Variants in RBMS3 observed in about 807,000 individuals in gnomAD.
The protein encoded by RBMS3 is RNA-binding motif, single-stranded-interacting protein 3.
In RBMS3, 27 loss-of-function variants were observed where a neutral mutation model predicts 66.8. That is an observed-to-expected ratio of 0.40 (90% confidence interval 0.30 to 0.56). The LOEUF is 0.56. RBMS3 is among the 20% of genes least tolerant of loss of function. The pLI, the probability that RBMS3 is intolerant of heterozygous loss-of-function variation, is 0.40. For synonymous variants in RBMS3, 188 were observed against 183.0 expected (o/e 1.03, Z -0.22); for missense variants, 513 against 549.5 (o/e 0.93, Z 0.66).
intron 1 of RBMS3, among the ~76,000 whole-genome samples, chr3:29,365,092 G>T (rs1000490533): frequency 4.6e-5 from 7 of 151,052 alleles, no homozygotes; most frequent in African/African-American, 1.5e-4. Flanking sequence ...GTGACTACAG[G>T]TTCCACTAAT....
At chr3:29,630,684 C>T (rs1203520888) in intron 4 of RBMS3, among the ~76,000 whole-genome samples, 2 of 151,930 alleles carry the variant, frequency 1.3e-5, no homozygotes, top group Admixed American at 1.3e-4. Context: ...CCATCCCAGG[C>T]CTTTGAATCC....
intron 1 of RBMS3, among the ~76,000 whole-genome samples, chr3:29,362,144 T>G (rs564716296): frequency 1.3e-5 from 2 of 152,298 alleles, no homozygotes; most frequent in South Asian, 4.1e-4. Flanking sequence ...GAATTTTCAG[T>G]TTTTCTGTTC....
intron 6 of RBMS3, among the ~76,000 whole-genome samples, chr3:29,812,028 A>G (rs916384308): frequency 3.3e-5 from 5 of 152,166 alleles, no homozygotes; most frequent in Non-Finnish European, 7.3e-5. Context: ...TTGTAAGTCC[A>G]TATATTATGA....
intron 4 of RBMS3, among the ~76,000 whole-genome samples, chr3:29,664,941 T>C (rs1343861333): frequency 6.6e-6 from 1 of 152,078 alleles, no homozygotes; most frequent in Non-Finnish European, 1.5e-5. Flanking sequence ...AGAAATTTCT[T>C]ATTTAAGTTA....
chr3:29,884,333 C>T, intron 8 of RBMS3, 125 bp downstream of exon 8: 1 of 815,610 alleles, frequency 1.2e-6, no homozygotes, highest in Non-Finnish European at 1.9e-6. Context: ...AAGTTTAAAC[C>T]AAGCATTTTT....
chr3:29,921,070 T>C (rs1392549704), intron 10 of RBMS3, among the ~76,000 whole-genome samples: 1 of 152,022 alleles, frequency 6.6e-6, no homozygotes, highest in Non-Finnish European at 1.5e-5. Flanking sequence ...TGGTTTGCTG[T>C]TGTTGTTTTG....
At chr3:29,662,560 A>T (rs2050595885) in intron 4 of RBMS3, among the ~76,000 whole-genome samples, 1 of 152,226 alleles carries the variant, frequency 6.6e-6, no homozygotes, top group African/African-American at 2.4e-5. Context: ...CCTGTTAACA[A>T]AACCATGCTG....
At chr3:29,970,111 T>G (rs545233600) in intron 12 of RBMS3, among the ~76,000 whole-genome samples, 1 of 152,264 alleles carries the variant, frequency 6.6e-6, no homozygotes, top group South Asian at 2.1e-4. Context: ...TGGTTTTCAG[T>G]AAAAATTGTA....
At chr3:29,512,431 CTTTAA>C (rs920863847) in intron 3 of RBMS3, among the ~76,000 whole-genome samples, 7 of 151,996 alleles carry the variant, frequency 4.6e-5, no homozygotes, top group African/African-American at 1.4e-4. Flanking sequence ...ATTAATCCTT[CTTTAA>C]TTTAATAATT....
chr3:29,452,275 G>A (rs182385899), intron 2 of RBMS3, among the ~76,000 whole-genome samples: 6 of 152,228 alleles, frequency 3.9e-5, no homozygotes, highest in East Asian at 3.9e-4. Context: ...GTGTGTGGAC[G>A]AGTTTTAAAC....
At chr3:29,588,059 AC>A (rs1406459149) in intron 4 of RBMS3, among the ~76,000 whole-genome samples, 1 of 152,012 alleles carries the variant, frequency 6.6e-6, no homozygotes, top group Non-Finnish European at 1.5e-5. Context: ...ATTTGTAGAA[AC>A]CTCATGAAGG....
At chr3:29,289,064 A>G (rs997551927) in intron 1 of RBMS3, among the ~76,000 whole-genome samples, 1 of 151,952 alleles carries the variant, frequency 6.6e-6, no homozygotes, top group African/African-American at 2.4e-5. Flanking sequence ...AGTTCCTATT[A>G]TGCTTGCTTC....
intron 4 of RBMS3, among the ~76,000 whole-genome samples, chr3:29,650,559 C>G (rs1489704079): frequency 6.6e-6 from 1 of 152,134 alleles, no homozygotes; most frequent in Non-Finnish European, 1.5e-5. Flanking sequence ...CTCCAAAGTG[C>G]TAGGATTATA....
intron 1 of RBMS3, among the ~76,000 whole-genome samples, chr3:29,289,068 T>A (rs1036464036): frequency 6.6e-6 from 1 of 151,948 alleles, no homozygotes; most frequent in Non-Finnish European, 1.5e-5. Context: ...CCTATTATGC[T>A]TGCTTCTCTG....
intron 12 of RBMS3, among the ~76,000 whole-genome samples, chr3:29,973,986 C>G (rs1483214054): frequency 3.3e-5 from 5 of 151,916 alleles, no homozygotes; most frequent in Admixed American, 2.6e-4. Context: ...TTCACCTACC[C>G]TGGCTAACTC....
At chr3:29,323,707 C>CAA (rs1213206732) in intron 1 of RBMS3, among the ~76,000 whole-genome samples, 1 of 150,202 alleles carries the variant, frequency 6.7e-6, no homozygotes, top group Non-Finnish European at 1.5e-5. Flanking sequence ...CACACACACA[C>CAA]ACACACACAC....
In RBMS3 at chr3:29,528,108, A is replaced by AT. The variant is rs66534941; in HGVS notation, c.307+39631dup. On this transcript the variant is annotated intron_variant, in intron 3 of 14. Transcript: ENST00000383767. ...TGAAACATCCACAAATGCAAGCAAG[A>AT]TTTTTTTTTTTTTTTTTTTTTTGAG... Among the ~76,000 whole-genome samples, 925 of 108,142 alleles carry AT rather than the reference A, an allele frequency of 8.6e-3. 16 individuals carry two copies. Among genetic ancestry groups the AT allele is most frequent in the Admixed American group, 0.047 (487 of 10,368 alleles). 70.9% of individuals were successfully genotyped at this position (108,142 alleles called of 152,430 possible).
chr3:29,653,515 TA>T (rs1469452213), intron 4 of RBMS3, among the ~76,000 whole-genome samples: 2 of 152,084 alleles, frequency 1.3e-5, no homozygotes, highest in Non-Finnish European at 2.9e-5. Context: ...ATATCAGAAT[TA>T]ATATTGTTTT....
At chr3:29,720,530 G>A (rs989517353) in intron 4 of RBMS3, among the ~76,000 whole-genome samples, 23 of 152,020 alleles carry the variant, frequency 1.5e-4, no homozygotes, top group Non-Finnish European at 2.1e-4. Context: ...GTATGTATGT[G>A]TTTATATATA....
Sources: gnomAD v4.1 joint callset for allele counts (sites outside exome capture counted in the v4.1 genomes callset) on GRCh38, gnomAD v4.1.1 for gene constraint, MANE v1.5 for transcripts, NCBI Gene and HGNC (gene_info 2026-07-23, HGNC 2026-07-21) for gene names.